Variants in KLHDC10 observed in about 807,000 individuals in gnomAD.
The protein encoded by KLHDC10 is kelch domain containing 10.
A neutral mutation model predicts 56.1 loss-of-function variants in KLHDC10; 24 were observed. The ratio of observed to expected loss-of-function variants is 0.43; its 90% confidence interval spans 0.31 to 0.60. The LOEUF (loss-of-function observed/expected upper bound fraction) is 0.60, where lower values mean the gene tolerates loss of function less well. Among genes scored for constraint, KLHDC10 ranks in the 20% least tolerant of loss-of-function variants. KLHDC10 has a pLI of 0.11. For missense variants in KLHDC10, 349 were observed against 567.0 expected, an observed-to-expected ratio of 0.62 and a Z score of 3.91; for synonymous variants, 188 against 207.1, an observed-to-expected ratio of 0.91 and a Z score of 0.79.
intron 1 of KLHDC10, among the ~76,000 whole-genome samples, chr7:130,093,438 C>G (rs1215296047): frequency 6.6e-6 from 1 of 152,098 alleles, no homozygotes; most frequent in Non-Finnish European, 1.5e-5. Flanking sequence ...GTTGGCCAGG[C>G]TGGTCTCAAA....
rs761880045 is a variant in KLHDC10, at chr7:130,134,424, C to A, written c.*3678C>A. The A allele has an allele frequency of 5.9e-5, 9 of 152,230 alleles. No homozygotes were observed. Among genetic ancestry groups the A allele is most frequent in the Non-Finnish European group, 7.3e-5 (5 of 68,046 alleles). 9.4% of individuals were successfully genotyped at this position (152,230 alleles called of 1,614,324 possible). On this transcript the variant is annotated 3_prime_UTR_variant, in exon 10 of 10. Transcript: ENST00000335420. ...CCATCTCTCTAACCACCAAAGAACT[C>A]TTAGTACCTACGGGAAGGAAAAGCT... is the stretch of plus-strand genomic sequence containing the variant.
chr7:130,106,425 G>C (rs1796009170), intron 2 of KLHDC10, among the ~76,000 whole-genome samples: 1 of 151,988 alleles, frequency 6.6e-6, no homozygotes, highest in African/African-American at 2.4e-5. Flanking sequence ...TCAGAAAAGT[G>C]GGAAAATAAA....
chr7:130,116,392 T>C lies in KLHDC10; in HGVS notation c.254-53T>C. 1.4e-6 allele frequency: 2 copies of C among 1,420,466 alleles called. No individual in the cohort carries two copies. Among genetic ancestry groups the C allele is most frequent in the South Asian group, 1.2e-5 (1 of 82,848 alleles). The allele number at this position is 1,420,466 out of a possible 1,614,324, so 88.0% of individuals were successfully genotyped here. A position where few individuals can be genotyped will look rare whatever the true frequency, so the allele number is the denominator to read the frequency against. ...AAAATGGTTGTTACCTAATTTTGTT[T>C]GTGCTTTTAAACTGGTAGGACACCT... On this transcript the variant is annotated intron_variant, in intron 2 of 9. Coordinates refer to ENST00000335420, the MANE Select transcript of KLHDC10 (RefSeq NM_014997.4). This position sits in a 1 kb window ranked among gnomAD's most constrained non-coding sequence, Gnocchi z 4.8.
chr7:130,093,062 CT>C (rs1316554842), intron 1 of KLHDC10, among the ~76,000 whole-genome samples: 1 of 150,724 alleles, frequency 6.6e-6, no homozygotes, highest in African/African-American at 2.4e-5. Flanking sequence ...GGAAGGTGAG[CT>C]TGCTCACACT....
chr7:130,087,881 C>T (rs1398066053), intron 1 of KLHDC10, among the ~76,000 whole-genome samples: 1 of 151,924 alleles, frequency 6.6e-6, no homozygotes, highest in Non-Finnish European at 1.5e-5. Flanking sequence ...CTGCCTCAGC[C>T]TCCCGAGTAG....
At chr7:130,122,320 G>C (rs1796258709) in intron 5 of KLHDC10, 118 bp downstream of exon 5, 2 of 902,944 alleles carry the variant, frequency 2.2e-6, no homozygotes, top group African/African-American at 3.4e-5. Flanking sequence ...ACTGGCTGTT[G>C]GATGTTAGAT....
intron 1 of KLHDC10, among the ~76,000 whole-genome samples, chr7:130,093,220 G>A (rs2116865492): frequency 6.7e-6 from 1 of 150,242 alleles, no homozygotes; most frequent in African/African-American, 2.4e-5. Context: ...TATTATTTTT[G>A]TGGAGACAGA....
At chr7:130,071,319 AAG>A (rs1302136195) in intron 1 of KLHDC10, among the ~76,000 whole-genome samples, 1 of 152,164 alleles carries the variant, frequency 6.6e-6, no homozygotes, top group Non-Finnish European at 1.5e-5. Flanking sequence ...GTGTATGGGA[AAG>A]AGAACCTAGA....
In KLHDC10 at chr7:130,097,400, CTT is replaced by C. The variant is rs1301935754; in HGVS notation, c.253+394_253+395del. Among the ~76,000 whole-genome samples the C allele has an allele frequency of 3.9e-5, 6 of 151,998 alleles. No homozygotes were observed. The East Asian group carries it at 5.8e-4, about 15-fold the overall frequency. On this transcript the variant is annotated intron_variant, in intron 2 of 9. Transcript: ENST00000335420. ...TGTAATGGTATAAAATAAAAAACCTCTTATGTCAAATGTCATATATTAAAAGA... is the reference window on the plus strand; with the variant it reads ...TGTAATGGTATAAAATAAAAAACCTCATGTCAAATGTCATATATTAAAAGA...
intron 1 of KLHDC10, among the ~76,000 whole-genome samples, chr7:130,091,226 G>T (rs1183129610): frequency 6.6e-6 from 1 of 152,144 alleles, no homozygotes; most frequent in Non-Finnish European, 1.5e-5. Context: ...GAGTTGTATG[G>T]TAAGTATATG....
intron 2 of KLHDC10, among the ~76,000 whole-genome samples, chr7:130,106,054 CA>C (rs952908214): frequency 6.6e-6 from 1 of 151,988 alleles, no homozygotes; most frequent in African/African-American, 2.4e-5. Context: ...GAGACTGAGA[CA>C]GGAGAATCGC....
chr7:130,070,639 G>T lies in KLHDC10; in HGVS notation c.-5G>T. 3 of 1,315,116 alleles carry T rather than the reference G, an allele frequency of 2.3e-6. No individual in the cohort carries two copies. Among genetic ancestry groups the T allele is most frequent in the East Asian group, 5.7e-5 (2 of 34,842 alleles). The allele number at this position is 1,315,116 out of a possible 1,614,324, so 81.5% of individuals were successfully genotyped here. On this transcript the variant is annotated 5_prime_UTR_variant, in exon 1 of 10. Coordinates refer to ENST00000335420, the MANE Select transcript of KLHDC10 (RefSeq NM_014997.4). ...GGACCGGGCTGCGGCAATCGTTAGC[G>T]GGTCATGTCGGCCGCCCAGGGCTGG... is the stretch of plus-strand genomic sequence containing the variant.
intron 1 of KLHDC10, among the ~76,000 whole-genome samples, chr7:130,072,521 C>T (rs373263578): frequency 6.6e-6 from 1 of 152,182 alleles, no homozygotes; most frequent in Non-Finnish European, 1.5e-5. Context: ...TTGACTGACA[C>T]TTCATTGCTC....
intron 6 of KLHDC10, 119 bp from the exon 7 acceptor site, chr7:130,125,746 T>C: frequency 1.4e-6 from 1 of 740,626 alleles, no homozygotes; most frequent in Non-Finnish European, 2.3e-6. Flanking sequence ...TCTGCTCAGT[T>C]TTGCTGTGAA....
At chr7:130,122,335 G>T in intron 5 of KLHDC10, 133 bp downstream of exon 5, 2 of 780,742 alleles carry the variant, frequency 2.6e-6, no homozygotes, top group Middle Eastern at 2.9e-4. Flanking sequence ...TTAGATCTCA[G>T]GTAAATAGTA....
chr7:130,100,951 T>C (rs551341183), intron 2 of KLHDC10, among the ~76,000 whole-genome samples: 2 of 151,568 alleles, frequency 1.3e-5, no homozygotes, highest in African/African-American at 4.8e-5. Context: ...TCAGATGTCA[T>C]TGGAAATGAC....
intron 5 of KLHDC10, among the ~76,000 whole-genome samples, chr7:130,123,060 G>A (rs1796271378): frequency 6.6e-6 from 1 of 152,166 alleles, no homozygotes; most frequent in Non-Finnish European, 1.5e-5. Context: ...TGGATGGAAA[G>A]GTCATTCATT....
intron 2 of KLHDC10, among the ~76,000 whole-genome samples, chr7:130,099,931 T>TA (rs1323970322): frequency 2.6e-5 from 4 of 152,004 alleles, no homozygotes; most frequent in African/African-American, 9.7e-5. Context: ...TCTGTCTACA[T>TA]ACACACACAT....
chr7:130,127,553 G>A (rs1796330380), intron 8 of KLHDC10, 102 bp downstream of exon 8: 1 of 793,488 alleles, frequency 1.3e-6, no homozygotes, highest in East Asian at 2.5e-5. Context: ...TCATAACTTT[G>A]AGAAAAGTCT....
Sources: allele counts gnomAD v4.1 joint callset (sites outside exome capture counted in the v4.1 genomes callset), GRCh38; gene constraint gnomAD v4.1.1; non-coding constraint Gnocchi (gnomAD v3.1); transcripts MANE v1.5; gene names NCBI Gene and HGNC (gene_info 2026-07-23, HGNC 2026-07-21).